PDE8B: variants seen among roughly 807,000 people sequenced by gnomAD.
PDE8B encodes the protein high affinity cAMP-specific and IBMX-insensitive 3',5'-cyclic phosphodiesterase 8B.
In PDE8B, 26 loss-of-function variants were observed where a neutral mutation model predicts 101.3. The ratio of observed to expected loss-of-function variants is 0.26; its 90% CI spans 0.19 to 0.36. The LOEUF is 0.36. Among genes scored for constraint, PDE8B ranks in the 10% least tolerant of loss-of-function variants. The pLI is 1.00. For missense variants in PDE8B, 810 were observed against 1,163.1 expected, an observed-to-expected ratio of 0.70 and a Z score of 4.42; for synonymous variants, 424 against 429.3, an observed-to-expected ratio of 0.99 and a Z score of 0.15.
In PDE8B at chr5:77,305,520, G is replaced by A. The variant is rs191235112; in HGVS notation, c.340-6474G>A. Among the ~76,000 whole-genome samples, 10 of 152,308 alleles carry A rather than the reference G, an allele frequency of 6.6e-5. No individual in the cohort carries two copies. In the East Asian group the frequency reaches 1.7e-3, roughly 27 times the overall value. On this transcript the variant is annotated intron_variant, in intron 1 of 21. Coordinates refer to ENST00000264917, the MANE Select transcript of PDE8B (RefSeq NM_003719.5). The stretch of plus-strand genomic sequence containing the variant: ...GGTGTGCTAAGCACAGTTGGCAGGG[G>A]AGAGAGGGTGGGATGGGACAGAGTT...
At chr5:77,355,455 C>T (rs566287903) in intron 10 of PDE8B, among the ~76,000 whole-genome samples, 113 of 152,246 alleles carry the variant, frequency 7.4e-4, no homozygotes, top group Middle Eastern at 3.4e-3. Flanking sequence ...CAGGCGGTTC[C>T]GGTGGTGTGG....
At chr5:77,368,661 A>G (rs547979821) in intron 10 of PDE8B, among the ~76,000 whole-genome samples, 1 of 152,112 alleles carries the variant, frequency 6.6e-6, no homozygotes, top group Non-Finnish European at 1.5e-5. Context: ...AGGGCCTTAC[A>G]CGGTGCTAGG....
At chr5:77,172,638 C>T in the PDE8B span, among the ~76,000 whole-genome samples, 1 of 152,172 alleles carries the variant, frequency 6.6e-6, no homozygotes, top group South Asian at 2.1e-4. Flanking sequence ...TTATTGAGTG[C>T]TGATTTTGTA....
At chr5:77,269,439 G>A (rs1419061694) in intron 1 of PDE8B, among the ~76,000 whole-genome samples, 1 of 152,102 alleles carries the variant, frequency 6.6e-6, no homozygotes, top group Admixed American at 6.6e-5. Flanking sequence ...TCTTCACTTT[G>A]TTGATTGTTT....
the PDE8B span, among the ~76,000 whole-genome samples, chr5:77,131,994 C>T: frequency 1.5e-3 from 221 of 152,150 alleles, 1 homozygote; most frequent in South Asian, 7.5e-3. Context: ...TCATCAAACA[C>T]GGTGCATAAT....
At chr5:77,261,317 A>G (rs1414743564) in intron 1 of PDE8B, among the ~76,000 whole-genome samples, 1 of 152,162 alleles carries the variant, frequency 6.6e-6, no homozygotes, top group Non-Finnish European at 1.5e-5. Context: ...GAGCAGCTCT[A>G]ATCCCTTAGG....
chr5:77,350,962 C>G, intron 8 of PDE8B, 103 bp from the exon 9 acceptor site: 1 of 827,716 alleles, frequency 1.2e-6, no homozygotes, highest in South Asian at 1.4e-5. Flanking sequence ...GGAAATGTAA[C>G]GAGAGCATGT....
At chr5:77,196,816 G>C in the PDE8B span, among the ~76,000 whole-genome samples, 2 of 152,078 alleles carry the variant, frequency 1.3e-5, no homozygotes, top group African/African-American at 4.8e-5. Context: ...ATGTTTCTAG[G>C]ATTGGAGTTT....
At chr5:77,239,437 G>C (rs1755303023) in intron 1 of PDE8B, among the ~76,000 whole-genome samples, 2 of 152,170 alleles carry the variant, frequency 1.3e-5, no homozygotes, top group Admixed American at 1.3e-4. Context: ...GGTGATGCTA[G>C]CAGTACATAA....
the PDE8B span, among the ~76,000 whole-genome samples, chr5:77,099,532 G>A: frequency 6.6e-6 from 1 of 152,196 alleles, no homozygotes; most frequent in African/African-American, 2.4e-5. Context: ...TGAGGAACCT[G>A]AGCTGCTGTG....
chr5:77,247,459 C>A lies in PDE8B; in HGVS notation c.339+36195C>A, dbSNP rs2149591301. On this transcript the variant is annotated intron_variant, in intron 1 of 21. Transcript: ENST00000264917. ...GTGCATCCCTGATGGCCCTGTGGGG[C>A]CACAACCATGAACATTAGTCCAGAG... 2.0e-5 allele frequency among the ~76,000 whole-genome samples: 3 copies of A among 152,314 alleles called. No individual in the cohort carries two copies. In the Middle Eastern group the frequency reaches 0.01, roughly 518 times the overall value.
chr5:77,136,054 T>C, the PDE8B span, among the ~76,000 whole-genome samples: 1 of 152,180 alleles, frequency 6.6e-6, no homozygotes, highest in Admixed American at 6.5e-5. Context: ...CTAAAAGACT[T>C]CCTCAACTTT....
intron 1 of PDE8B, among the ~76,000 whole-genome samples, chr5:77,252,541 A>G (rs1215079183): frequency 6.6e-6 from 1 of 152,196 alleles, no homozygotes; most frequent in Non-Finnish European, 1.5e-5. Context: ...TGCCATTACT[A>G]GAAGTGGAAG....
intron 5 of PDE8B, among the ~76,000 whole-genome samples, chr5:77,334,472 T>C (rs1207276791): frequency 6.6e-6 from 1 of 152,318 alleles, no homozygotes; most frequent in Non-Finnish European, 1.5e-5. Context: ...GCAAAAATAT[T>C]TGTTCAATTT....
chr5:77,133,791 A>T, the PDE8B span, among the ~76,000 whole-genome samples: 3 of 152,240 alleles, frequency 2.0e-5, no homozygotes, highest in Admixed American at 6.5e-5. Context: ...TCAGAAAAGA[A>T]CCAGCCAGGT....
intron 17 of PDE8B, among the ~76,000 whole-genome samples, chr5:77,414,417 T>C (rs903154737): frequency 6.6e-6 from 1 of 152,142 alleles, no homozygotes; most frequent in Non-Finnish European, 1.5e-5. Flanking sequence ...GCTCCTCTTT[T>C]TTAAAATTTT....
chr5:77,395,176 G>A (rs552639459), intron 10 of PDE8B, among the ~76,000 whole-genome samples: 1 of 151,986 alleles, frequency 6.6e-6, no homozygotes, highest in Non-Finnish European at 1.5e-5. Context: ...GAGTGCAGTG[G>A]CGCGATCTCG....
intron 10 of PDE8B, among the ~76,000 whole-genome samples, chr5:77,369,887 C>T (rs1254788482): frequency 6.6e-6 from 1 of 152,258 alleles, no homozygotes; most frequent in East Asian, 1.9e-4. Flanking sequence ...GTTCACATTC[C>T]AGCCAATTTT....
At chr5:77,373,376 A>G (rs2150702536) in intron 10 of PDE8B, among the ~76,000 whole-genome samples, 1 of 152,320 alleles carries the variant, frequency 6.6e-6, no homozygotes, top group African/African-American at 2.4e-5. Context: ...TTTAAAGCAT[A>G]CAGTTTGATG....
Sources: gnomAD v4.1 joint callset for allele counts (sites outside exome capture counted in the v4.1 genomes callset) on GRCh38, gnomAD v4.1.1 for gene constraint, MANE v1.5 for transcripts, NCBI Gene and HGNC (gene_info 2026-07-23, HGNC 2026-07-21) for gene names.